The following ZNF606 variants were observed in gnomAD, a reference collection of about 807,000 sequenced individuals.
The protein encoded by ZNF606 is zinc finger protein 328.
Under a neutral mutation model 74.9 loss-of-function variants are expected in ZNF606, and 37 were observed. The ratio of observed to expected loss-of-function variants is 0.49; its 90% confidence interval spans 0.38 to 0.65. ZNF606 has a LOEUF of 0.65. ZNF606 is among the 30% of genes least tolerant of loss of function. The pLI is 0.00. For synonymous variants in ZNF606, 328 were observed against 312.4 expected (o/e 1.05, Z -0.53); for missense variants, 852 against 952.9 (o/e 0.89, Z 1.39).
intron 4 of ZNF606, among the ~76,000 whole-genome samples, chr19:57,993,924 G>T (rs2073297828): frequency 6.6e-6 from 1 of 152,128 alleles, no homozygotes; most frequent in Non-Finnish European, 1.5e-5. Flanking sequence ...AGTAGAACAG[G>T]ACTTCCAGCC....
At position 58,002,773 on chromosome 19, in the gene ZNF606, G is replaced by C; in HGVS notation, c.-429C>G. 2.2e-6 allele frequency: 1 copy of C among 454,268 alleles called. No homozygotes were observed. The highest frequency in any genetic ancestry group is 4.4e-6 in the Non-Finnish European group (1 of 226,064). The allele number at this position is 454,268 out of a possible 1,614,324, so 28.1% of individuals were successfully genotyped here. On this transcript the variant is annotated 5_prime_UTR_variant, in exon 1 of 7. Transcript: ENST00000551380. ...CGGCGGCCCCACAGCCTGAGCAAAG[G>C]CCTCACCTCAGCCGCGGACAATGGC...
chr19:57,978,319 A>G lies in ZNF606; in HGVS notation c.2361T>C (p.Ser787=), dbSNP rs1248209304. The G allele has an allele frequency of 1.3e-6, 2 of 1,568,150 alleles. No homozygotes were observed. ...CATAAATTCAATTCAGTTTCTCTTC[A>G]CTGTGATTTCTCTGGTGTTGAAGTA... The part of the protein sequence containing the change: ...SALLQHQRNH[S]EEKLN Residue 787 remains serine, a synonymous_variant, in exon 7 of 7, where the codon AGT becomes AGC. Transcript: ENST00000551380. This position sits in a 1 kb window ranked among gnomAD's most constrained non-coding sequence, Gnocchi z 4.4.
At chr19:57,983,721 G>A (rs1443336464) in intron 6 of ZNF606, among the ~76,000 whole-genome samples, 5 of 152,300 alleles carry the variant, frequency 3.3e-5, no homozygotes, top group Non-Finnish European at 7.3e-5. Context: ...GAAACAACAT[G>A]AGCTCAGCCT....
chr19:57,989,174 TTG>T (rs1167979183), intron 4 of ZNF606, among the ~76,000 whole-genome samples: 3 of 152,124 alleles, frequency 2.0e-5, no homozygotes, highest in African/African-American at 7.2e-5. Flanking sequence ...CATTCACAAG[TTG>T]TCTTTCCAGC....
rs1301618647 is a variant in ZNF606 at position 57,987,051 on chromosome 19, C to CT, written c.400+1155dup. Among the ~76,000 whole-genome samples, 7 of 152,248 alleles carry CT rather than the reference C, an allele frequency of 4.6e-5. No homozygotes were observed. In the East Asian group the frequency reaches 1.4e-3, roughly 29 times the overall value. ...GCTGCAGTAAGTCAAGATTGTACTACTGCACTCCAGCCTGGGCAGAAGAGC... is the reference window on the plus strand; with the variant it reads ...GCTGCAGTAAGTCAAGATTGTACTACTTGCACTCCAGCCTGGGCAGAAGAGC... On this transcript the variant is annotated intron_variant, in intron 6 of 6. Coordinates refer to ENST00000551380, the MANE Select transcript of ZNF606 (RefSeq NM_001348022.3).
At chr19:57,988,791 G>A (rs781019894) in intron 4 of ZNF606, 70 bp from the exon 5 acceptor site, 9 of 1,606,046 alleles carry the variant, frequency 5.6e-6, no homozygotes, top group Non-Finnish European at 7.6e-6. Context: ...ATGGAGTGAG[G>A]CTGACAGCCC....
At chr19:58,000,227 TC>T in intron 3 of ZNF606, 1 of 384,132 alleles carries the variant, frequency 2.6e-6, no homozygotes. Context: ...TCACTGGTTT[TC>T]TTTTTTTTTT....
chr19:57,978,737 C>T lies in ZNF606; in HGVS notation c.1943G>A (p.Gly648Glu). 6.2e-7 allele frequency: 1 copy of T among 1,614,202 alleles called. No homozygotes were observed. The change falls in exon 7 of 7, where the codon GGA (glycine) becomes GAA (glutamate). Residue 648 changes from glycine (G) to glutamate (E), a missense_variant. Physicochemically the swap from Gly to Glu is moderately conservative, Grantham distance 98. Around this residue, in one of 3 missense-constraint regions of ZNF606, gnomAD observed 243 missense variants for 359.2 expected, o/e 0.68. Coordinates refer to ENST00000551380, the MANE Select transcript of ZNF606 (RefSeq NM_001348022.3). The surrounding 1 kb of genome is among the most constrained non-coding windows in gnomAD (Gnocchi z 4.4). Reference sequence around the variant, plus strand: ...TTTATTGCATTCATAGGGTTTTTCTCCAGTATGAGTCCTTTGATGTCTAAC... The same window carrying T: ...TTTATTGCATTCATAGGGTTTTTCTTCAGTATGAGTCCTTTGATGTCTAAC... Reference protein sequence around the residue: ...HLVRHQRTHTGEKPYECNKCG... With the variant: ...HLVRHQRTHTEEKPYECNKCG...
intron 4 of ZNF606, chr19:57,998,444 G>A (rs988721769): frequency 6.6e-6 from 1 of 152,142 alleles, no homozygotes; most frequent in African/African-American, 2.4e-5. Flanking sequence ...ATTATGCTAA[G>A]TGAAAAAAGC....
In ZNF606 at chr19:57,988,594, C is replaced by T; in HGVS notation, c.304+1G>A. On this transcript the variant is annotated splice_donor_variant, in intron 5 of 6. Transcript: ENST00000551380. LOFTEE classifies it high-confidence loss of function. Reference sequence around the variant, plus strand: ...GTTTACTTGGGCAGCACCTGCCTTACCCACAGAGAGCAGGTGACCATAGGT... The same window carrying T: ...GTTTACTTGGGCAGCACCTGCCTTATCCACAGAGAGCAGGTGACCATAGGT... The T allele has an allele frequency of 6.2e-7, 1 of 1,612,728 alleles. No individual in the cohort carries two copies. Among genetic ancestry groups the T allele is most frequent in the Non-Finnish European group, 8.5e-7 (1 of 1,179,144 alleles).
At chr19:57,996,599 G>A (rs1302539932) in intron 4 of ZNF606, among the ~76,000 whole-genome samples, 1 of 151,538 alleles carries the variant, frequency 6.6e-6, no homozygotes, top group Non-Finnish European at 1.5e-5. Context: ...AGAAGGAAGA[G>A]ATGGTGGAAG....
intron 3 of ZNF606, 67 bp from the exon 4 acceptor site, chr19:57,999,963 G>T: frequency 1.4e-6 from 2 of 1,480,064 alleles, no homozygotes. Context: ...TCTTCTGGGG[G>T]GCTGAGAACC....
intron 4 of ZNF606, among the ~76,000 whole-genome samples, chr19:57,995,394 G>A (rs1399051581): frequency 6.6e-6 from 1 of 152,000 alleles, no homozygotes; most frequent in East Asian, 1.9e-4. Flanking sequence ...ACACAGAGGT[G>A]CACTTCTCTA....
Position 57,988,671 on chromosome 19 carries a change from C to T in ZNF606, c.228G>A (p.Trp76Ter). The T allele has an allele frequency of 6.2e-7, 1 of 1,614,136 alleles. No homozygotes were observed. The highest frequency in any genetic ancestry group is 8.5e-7 in the Non-Finnish European group (1 of 1,180,022). Residue 76 changes from tryptophan (W) to a stop codon, truncating the protein, a stop_gained, in exon 5 of 7, where the codon TGG becomes TGA. Coordinates refer to ENST00000551380, the MANE Select transcript of ZNF606 (RefSeq NM_001348022.3). LOFTEE classifies it high-confidence loss of function. ...DVAVDFTQEE[W>*]GQLDLVQRTL... ...TCCTCTGAACAAGGTCCAGCTGCCC[C>T]CACTCTTCTTGGGTGAAGTCCACGG...
At chr19:57,988,973 A>G (rs2073209436) in intron 4 of ZNF606, among the ~76,000 whole-genome samples, 2 of 152,190 alleles carry the variant, frequency 1.3e-5, no homozygotes, top group Non-Finnish European at 2.9e-5. Flanking sequence ...GTCTCTTCGA[A>G]GACTCTTGCC....
At chr19:57,985,701 G>A (rs1353967327) in intron 6 of ZNF606, among the ~76,000 whole-genome samples, 1 of 151,998 alleles carries the variant, frequency 6.6e-6, no homozygotes, top group Non-Finnish European at 1.5e-5. Context: ...GGGCGAGGTG[G>A]GTGGATCATG....
Position 57,980,095 on chromosome 19 carries a change from C to T in ZNF606, c.585G>A (p.Arg195=), listed in dbSNP as rs769518863. Reference sequence around the variant, plus strand: ...CTTGCTTTTGCATGAAGACCATCTGCCTCATAGCTGTACTCTGGTTCATGT... The same window carrying T: ...CTTGCTTTTGCATGAAGACCATCTGTCTCATAGCTGTACTCTGGTTCATGT... ...MYHMNQSTAM[R]QMVFMQKQVL... The change falls in exon 7 of 7, where the codon AGG becomes AGA. Residue 195 remains arginine (R), a synonymous_variant. Transcript: ENST00000551380. 6.2e-6 allele frequency: 10 copies of T among 1,613,812 alleles called. 1 individual carries two copies. The African/African-American group carries it at 6.7e-5, about 11-fold the overall frequency.
rs1450501997 is a variant in ZNF606, at chr19:57,978,151, T to C, written c.*150A>G. On this transcript the variant is annotated 3_prime_UTR_variant, in exon 7 of 7. Coordinates refer to ENST00000551380, the MANE Select transcript of ZNF606 (RefSeq NM_001348022.3). The surrounding 1 kb of genome is among the most constrained non-coding windows in gnomAD (Gnocchi z 4.4). ...AGCTTTTCCCTATTCTTTTCCTTCA[T>C]GGGGTTTCTTCTAAGATGATATTTT... 4.0e-6 allele frequency: 3 copies of C among 756,944 alleles called. No homozygotes were observed. The highest frequency in any genetic ancestry group is 5.9e-6 in the Non-Finnish European group (3 of 505,724). The allele number at this position is 756,944 out of a possible 1,614,324, so 46.9% of individuals were successfully genotyped here.
intron 4 of ZNF606, among the ~76,000 whole-genome samples, 177 bp from the exon 5 acceptor site, chr19:57,988,898 ATTTGTTATATAC>A (rs1281314516): frequency 0.02 from 3,046 of 152,228 alleles, 98 homozygotes; most frequent in African/African-American, 0.07. Context: ...AAGACCTCAT[ATTTGTTATATAC>A]TCTTAGGGAA....
Sources: allele counts gnomAD v4.1 joint callset (sites outside exome capture counted in the v4.1 genomes callset), GRCh38; gene constraint gnomAD v4.1.1; regional missense constraint gnomAD v4.1.1; non-coding constraint Gnocchi (gnomAD v3.1); transcripts MANE v1.5; gene names NCBI Gene and HGNC (gene_info 2026-07-23, HGNC 2026-07-21).